CHRNB4: variants seen among roughly 807,000 people sequenced by gnomAD.
CHRNB4 encodes the protein cholinergic receptor nicotinic beta 4 subunit, also known as neuronal acetylcholine receptor subunit beta-4.
A neutral mutation model predicts 40.4 loss-of-function variants in CHRNB4; 23 were observed. The observed-to-expected ratio is 0.57, with a 90% CI of 0.41 to 0.81. The LOEUF (loss-of-function observed/expected upper bound fraction) is 0.81. Among genes scored for constraint, CHRNB4 ranks in the 30% least tolerant of loss-of-function variants. The probability of loss-of-function intolerance (pLI) is 0.00; values close to 1 mark genes in which losing one functional copy is unlikely to be tolerated. For missense variants in CHRNB4, 568 were observed against 670.6 expected (o/e 0.85, Z 1.69); for synonymous variants, 285 against 274.4 (o/e 1.04, Z -0.38).
chr15:78,641,123 G>A lies in CHRNB4; in HGVS notation c.11C>T (p.Ala4Val), dbSNP rs780019885. MRR[A>V]PSLVLFFLVA... ...CAGGAAGAAAAGGACCAGGGAAGGC[G>A]CGCGCCTCATGGCCGGCGGGGCCGG... The change falls in exon 1 of 6, where the codon GCG becomes GTG. Residue 4 changes from alanine (A) to valine (V), a missense_variant. Transcript: ENST00000261751. The A allele has an allele frequency of 5.1e-6, 8 of 1,573,258 alleles. No homozygotes were observed. Among genetic ancestry groups the A allele is most frequent in the East Asian group, 2.3e-5 (1 of 42,964 alleles).
At chr15:78,656,231 G>A (rs2054212075) in exon 4 of CHRNB4, 1 of 151,784 alleles carries the variant, frequency 6.6e-6, no homozygotes, top group African/African-American at 2.4e-5. Context: ...CAGCTACTTG[G>A]GAGGCTGAGG....
upstream of CHRNB4, among the ~76,000 whole-genome samples, chr15:78,641,988 C>G (rs568019839): frequency 2.0e-5 from 3 of 152,342 alleles, no homozygotes; most frequent in African/African-American, 4.8e-5. Flanking sequence ...GGCAGCTTCT[C>G]CAACTCTCTC....
chr15:78,639,266 G>T (rs1426589440), intron 1 of CHRNB4, among the ~76,000 whole-genome samples: 1 of 152,168 alleles, frequency 6.6e-6, no homozygotes, highest in East Asian at 1.9e-4. Context: ...AACTGAGGAA[G>T]GGAACATGAT....
intron 7 of CHRNB4, among the ~76,000 whole-genome samples, chr15:78,647,860 TCAAAAAA>T (rs1200571287): frequency 5.2e-5 from 1 of 19,386 alleles, no homozygotes; most frequent in South Asian, 1.3e-3. Context: ...AGACTCCATC[TCAAAAAA>T]AAAAAAAAAA....
At chr15:78,648,460 A>G (rs1203232073) in intron 7 of CHRNB4, among the ~76,000 whole-genome samples, 1 of 150,118 alleles carries the variant, frequency 6.7e-6, no homozygotes, top group African/African-American at 2.5e-5. Flanking sequence ...GCATAAGAAT[A>G]TATTCTTATT....
intron 2 of CHRNB4, among the ~76,000 whole-genome samples, chr15:78,632,280 T>C (rs2053848852): frequency 8.3e-6 from 1 of 120,618 alleles, no homozygotes; most frequent in Non-Finnish European, 1.7e-5. Flanking sequence ...TCTTTCTTTC[T>C]CCCTTTCTTT....
intron 1 of CHRNB4, among the ~76,000 whole-genome samples, chr15:78,639,000 G>A (rs1249088855): frequency 6.6e-6 from 1 of 152,188 alleles, no homozygotes; most frequent in African/African-American, 2.4e-5. Context: ...AGGCCTTCTT[G>A]GGAAGAATTG....
intron 2 of CHRNB4, chr15:78,634,632 G>A: frequency 2.2e-6 from 1 of 445,040 alleles, no homozygotes; most frequent in Middle Eastern, 3.4e-4. Flanking sequence ...CTGGCCAGAG[G>A]AGGGTCAGCC....
At chr15:78,642,689 G>T (rs1421457124), upstream of CHRNB4, among the ~76,000 whole-genome samples, 3 of 152,182 alleles carry the variant, frequency 2.0e-5, no homozygotes, top group Non-Finnish European at 4.4e-5. Context: ...GGCTAGCAAA[G>T]GGGATACGAT....
chr15:78,632,258 T>TG (rs2053846775), intron 2 of CHRNB4, among the ~76,000 whole-genome samples: 1 of 140,466 alleles, frequency 7.1e-6, no homozygotes, highest in African/African-American at 2.8e-5. Flanking sequence ...TCTCTCTCTT[T>TG]CTTTCTTTCT....
At chr15:78,638,803 G>A (rs921755269) in intron 1 of CHRNB4, among the ~76,000 whole-genome samples, 4 of 152,242 alleles carry the variant, frequency 2.6e-5, no homozygotes, top group African/African-American at 9.6e-5. Flanking sequence ...ACAAGGAACA[G>A]GCCTTTCACC....
intron 1 of CHRNB4, 44 bp from the exon 2 acceptor site, chr15:78,635,631 G>A (rs746773837): frequency 2.3e-5 from 37 of 1,608,936 alleles, no homozygotes; most frequent in Non-Finnish European, 3.1e-5. Flanking sequence ...TTGTGCACCT[G>A]ACCCCCACTG....
upstream of CHRNB4, among the ~76,000 whole-genome samples, chr15:78,643,878 G>A (rs944340947): frequency 7.2e-5 from 11 of 152,000 alleles, no homozygotes; most frequent in Non-Finnish European, 1.2e-4. Context: ...GGCCGGGCAC[G>A]GTGGCTCACG....
chr15:78,634,801 CAG>C (rs1037890188), intron 2 of CHRNB4: 2 of 455,880 alleles, frequency 4.4e-6, no homozygotes, highest in African/African-American at 4.0e-5. Flanking sequence ...ATCTCCAACT[CAG>C]AGGCAGCAAA....
In CHRNB4 at chr15:78,629,576, G is replaced by A. The variant is rs374322992; in HGVS notation, c.729C>T (p.Cys243=). The change falls in exon 5 of 6, where the codon TGC becomes TGT. Residue 243 remains cysteine (C), a synonymous_variant. Transcript: ENST00000261751. The surrounding 1 kb of genome is among the most constrained non-coding windows in gnomAD (Gnocchi z 6.8). ...LFYTINLIIP[C]VLTTLLAILV... ...GGATGGCCAGCAAGGTGGTGAGCACGCAGGGGATGATGAGGTTGATGGTGT... is the reference window on the plus strand; with the variant it reads ...GGATGGCCAGCAAGGTGGTGAGCACACAGGGGATGATGAGGTTGATGGTGT... 28 of 1,614,032 alleles carry A rather than the reference G, an allele frequency of 1.7e-5. No homozygotes were observed. Among genetic ancestry groups the A allele is most frequent in the South Asian group, 7.7e-5 (7 of 91,088 alleles).
chr15:78,647,430 T>G (rs996637212), intron 7 of CHRNB4, among the ~76,000 whole-genome samples: 9 of 151,534 alleles, frequency 5.9e-5, no homozygotes, highest in Non-Finnish European at 1.3e-4. Flanking sequence ...AAAAGAAAAC[T>G]TGAATGACCT....
intron 5 of CHRNB4, among the ~76,000 whole-genome samples, chr15:78,653,097 A>ACCC (rs1009782700): frequency 2.6e-5 from 4 of 152,086 alleles, no homozygotes; most frequent in African/African-American, 9.7e-5. Context: ...ATAGCACACC[A>ACCC]CCCCTTCCTT....
rs2053612571 is a variant in CHRNB4 at position 78,624,800 on chromosome 15, T to C, written c.*333A>G. On this transcript the variant is annotated 3_prime_UTR_variant, in exon 6 of 6. Transcript: ENST00000261751. Reference sequence around the variant, plus strand: ...AAGGGGAAGTGGAGAGAGATGGTGATGGAGAGGCAGGCCGGCACCATGCCT... The same window carrying C: ...AAGGGGAAGTGGAGAGAGATGGTGACGGAGAGGCAGGCCGGCACCATGCCT... 2 of 581,100 alleles carry C rather than the reference T, an allele frequency of 3.4e-6. No homozygotes were observed. Among genetic ancestry groups the C allele is most frequent in the Non-Finnish European group, 2.9e-6 (1 of 344,030 alleles). 36.0% of individuals were successfully genotyped at this position (581,100 alleles called of 1,614,324 possible).
chr15:78,638,744 T>C (rs891547202), intron 1 of CHRNB4, among the ~76,000 whole-genome samples: 1 of 152,246 alleles, frequency 6.6e-6, no homozygotes, highest in Non-Finnish European at 1.5e-5. Flanking sequence ...AGCACATGCT[T>C]AGACTTTCCA....
Sources: allele counts gnomAD v4.1 joint callset (sites outside exome capture counted in the v4.1 genomes callset), GRCh38; gene constraint gnomAD v4.1.1; non-coding constraint Gnocchi (gnomAD v3.1); transcripts MANE v1.5; gene names NCBI Gene and HGNC (gene_info 2026-07-23, HGNC 2026-07-21).